Variants in LRP2 observed in about 807,000 individuals in gnomAD.
LRP2 encodes the protein low-density lipoprotein receptor-related protein 2.
In LRP2, 172 loss-of-function variants were observed where a neutral mutation model predicts 531.0. The ratio of observed to expected loss-of-function variants is 0.32; its 90% CI spans 0.29 to 0.37. The LOEUF (loss-of-function observed/expected upper bound fraction) is 0.37, where lower values mean the gene tolerates loss of function less well. Ranked by LOEUF, LRP2 falls within the 10% of genes least tolerant of loss-of-function variation. The pLI, the probability that LRP2 is intolerant of heterozygous loss-of-function variation, is 1.00. For synonymous variants in LRP2, 1,992 were observed against 2,027.6 expected, an observed-to-expected ratio of 0.98 and a Z score of 0.47; for missense variants, 5,167 against 5,868.3, an observed-to-expected ratio of 0.88 and a Z score of 3.90.
At chr2:169,176,658 C>T in intron 53 of LRP2, 70 bp from the exon 54 acceptor site, 3 of 1,348,298 alleles carry the variant, frequency 2.2e-6, no homozygotes, top group East Asian at 2.3e-5. Context: ...TAGCTGATTA[C>T]ACATCTTGAC....
rs755215116 is a variant in LRP2 at position 169,198,856 on chromosome 2, A to C, written c.8508T>G (p.Ile2836Met). The change falls in exon 45 of 79, where the codon ATT becomes ATG. Residue 2836 changes from isoleucine to methionine, a missense_variant. Around this residue, in one of 6 missense-constraint regions of LRP2, gnomAD observed 1,129 missense variants for 1,362.7 expected, o/e 0.83. Transcript: ENST00000649046. Reference protein sequence around the residue: ...YTKCHNSNICIPRVYLCDGDN... With the variant: ...YTKCHNSNICMPRVYLCDGDN... ...CTCCGTCACACAAATAAACGCGAGG[A>C]ATACAAATATTTGAATTATGACATT... 3.7e-5 allele frequency: 60 copies of C among 1,613,930 alleles called. No individual in the cohort carries two copies. The East Asian group carries it at 1.2e-3, about 32-fold the overall frequency.
In LRP2 at chr2:169,307,396, T is replaced by C. The variant is rs1396151098; in HGVS notation, c.312A>G (p.Ser104=). ...TCTGATGACTTGAGCATGTACTTTG[T>C]GCTGCGAAGAGAAAAAATTATTACT... ...DDGSDERQDC[S]QSTCSSHQIT... The change falls in exon 4 of 79, where the codon TCA becomes TCG. Residue 104 remains serine, a splice_region_variant and synonymous_variant. Coordinates refer to ENST00000649046, the MANE Select transcript of LRP2 (RefSeq NM_004525.3). The C allele has an allele frequency of 6.3e-7, 1 of 1,577,734 alleles. No homozygotes were observed. Among genetic ancestry groups the C allele is most frequent in the Admixed American group, 1.7e-5 (1 of 59,964 alleles).
chr2:169,180,265 A>G (rs1170189043), intron 52 of LRP2, among the ~76,000 whole-genome samples: 6 of 152,230 alleles, frequency 3.9e-5, no homozygotes, highest in African/African-American at 1.4e-4. Context: ...CAGCTCTTTG[A>G]TGTGCCTTTT....
At chr2:169,196,792 TG>T in intron 46 of LRP2, 118 bp downstream of exon 46, 2 of 1,393,694 alleles carry the variant, frequency 1.4e-6, no homozygotes, top group Non-Finnish European at 2.0e-6. Flanking sequence ...AGATGAAAGC[TG>T]GGACAGGAAG....
At chr2:169,170,724 A>T in intron 58 of LRP2, 57 bp from the exon 59 acceptor site, 2 of 1,226,014 alleles carry the variant, frequency 1.6e-6, no homozygotes, top group South Asian at 2.4e-5. Context: ...TACAGGAGAC[A>T]TCTTGTGAGC....
At chr2:169,169,948 A>G (rs1686934793) in intron 59 of LRP2, 130 bp from the exon 60 acceptor site, 1 of 712,406 alleles carries the variant, frequency 1.4e-6, no homozygotes, top group Admixed American at 1.9e-5. Flanking sequence ...CAAACCCACA[A>G]CTTGTGGTTA....
intron 64 of LRP2, among the ~76,000 whole-genome samples, chr2:169,156,920 G>A (rs189232312): frequency 2.0e-5 from 3 of 152,280 alleles, no homozygotes; most frequent in African/African-American, 4.8e-5. Flanking sequence ...CTAAAATCAT[G>A]CTCATCACTC....
At chr2:169,259,366 ACT>A (rs1690448426) in intron 16 of LRP2, 149 bp from the exon 17 acceptor site, 1 of 534,866 alleles carries the variant, frequency 1.9e-6, no homozygotes, top group African/African-American at 2.2e-5. Context: ...AAAAAAAAAA[ACT>A]CTGTAAGCTG....
chr2:169,247,816 G>A (rs868756106), intron 19 of LRP2, among the ~76,000 whole-genome samples: 1 of 152,088 alleles, frequency 6.6e-6, no homozygotes. Flanking sequence ...AATAAGAATT[G>A]GGGAATTCTT....
intron 4 of LRP2, among the ~76,000 whole-genome samples, chr2:169,297,553 A>T (rs529742641): frequency 6.6e-6 from 1 of 152,320 alleles, no homozygotes; most frequent in Non-Finnish European, 1.5e-5. Context: ...CCTTCCTCAT[A>T]CCACTCCTTG....
intron 45 of LRP2, among the ~76,000 whole-genome samples, chr2:169,198,291 G>A (rs182366094): frequency 3.9e-5 from 6 of 152,166 alleles, no homozygotes; most frequent in African/African-American, 4.8e-5. Flanking sequence ...TCACATGCAC[G>A]TAATCCCAGC....
rs149906123 is a variant in LRP2 at position 169,209,554 on chromosome 2, G to C, written c.6368C>G (p.Ala2123Gly). Reference sequence around the variant, plus strand: ...TCCATCTGGTTTAATTCTACGGATCGCATTATCAGATGCCACTGAGCTGCT... The same window carrying C: ...TCCATCTGGTTTAATTCTACGGATCCCATTATCAGATGCCACTGAGCTGCT... The part of the protein sequence containing the change: ...DFSSSVASDN[A>G]IRRIKPDGSS... The change falls in exon 38 of 79, where the codon GCG becomes GGG. Residue 2123 changes from alanine (A) to glycine (G), a missense_variant. Transcript: ENST00000649046. 2.5e-6 allele frequency: 4 copies of C among 1,613,918 alleles called. No individual in the cohort carries two copies. The highest frequency in any genetic ancestry group is 3.4e-6 in the Non-Finnish European group (4 of 1,179,936).
chr2:169,348,754 G>A (rs1263402016), intron 1 of LRP2, among the ~76,000 whole-genome samples: 1 of 152,228 alleles, frequency 6.6e-6, no homozygotes, highest in Non-Finnish European at 1.5e-5. Flanking sequence ...TTAAAAAGAA[G>A]GATGCAGATT....
chr2:169,203,898 T>C, intron 42 of LRP2, 84 bp downstream of exon 42: 1 of 1,454,792 alleles, frequency 6.9e-7, no homozygotes, highest in Non-Finnish European at 9.6e-7. Context: ...GAATTTTTTC[T>C]CCTGTGAGAA....
chr2:169,132,363 T>C (rs1685324305), intron 77 of LRP2, among the ~76,000 whole-genome samples: 1 of 152,234 alleles, frequency 6.6e-6, no homozygotes, highest in African/African-American at 2.4e-5. Context: ...ACAAGGAACA[T>C]TATTCCCAAC....
chr2:169,205,529 C>A lies in LRP2; in HGVS notation c.7665G>T (p.Gly2555=), dbSNP rs750311726. 3.7e-6 allele frequency: 6 copies of A among 1,613,962 alleles called. No homozygotes were observed. Among genetic ancestry groups the A allele is most frequent in the Non-Finnish European group, 5.1e-6 (6 of 1,179,990 alleles). ...GGTCCTCTTCATAGTCCAGAGTCAG[C>A]CCACTGGGCATGACCAGACTGCTGT... ...IVNSSLVMPS[G]LTLDYEEDLL... is the part of the protein sequence containing the mutation. Residue 2555 remains glycine, a synonymous_variant, in exon 41 of 79, where the codon GGG becomes GGT. Transcript: ENST00000649046.
intron 4 of LRP2, among the ~76,000 whole-genome samples, chr2:169,300,884 G>A (rs116301197): frequency 0.037 from 5,573 of 152,160 alleles, 143 homozygotes; most frequent in Non-Finnish European, 0.053. Flanking sequence ...CACCCTCACA[G>A]TCCACAAAAT....
At chr2:169,138,933 A>G (rs896532304) in intron 74 of LRP2, among the ~76,000 whole-genome samples, 1 of 152,218 alleles carries the variant, frequency 6.6e-6, no homozygotes, top group Non-Finnish European at 1.5e-5. Flanking sequence ...TAAAAGAAAA[A>G]GAGTCCAGCA....
chr2:169,317,153 A>C (rs1684785025), intron 3 of LRP2, among the ~76,000 whole-genome samples: 1 of 152,230 alleles, frequency 6.6e-6, no homozygotes, highest in South Asian at 2.1e-4. Context: ...TATTGTTTTA[A>C]AATGACTGCT....
Sources: gnomAD v4.1 joint callset for allele counts (sites outside exome capture counted in the v4.1 genomes callset) on GRCh38, gnomAD v4.1.1 for gene constraint, gnomAD v4.1.1 regional missense constraint, MANE v1.5 for transcripts, NCBI Gene and HGNC (gene_info 2026-07-23, HGNC 2026-07-21) for gene names.